Variants in CCNB1IP1 observed in about 807,000 individuals in gnomAD.
The protein encoded by CCNB1IP1 is E3 ubiquitin-protein ligase CCNB1IP1.
CCNB1IP1 carries 14 observed loss-of-function variants against 25.6 expected under a neutral mutation model. The ratio of observed to expected loss-of-function variants is 0.55; its 90% CI spans 0.36 to 0.85. The LOEUF (loss-of-function observed/expected upper bound fraction) is 0.85, where lower values mean the gene tolerates loss of function less well. CCNB1IP1 is among the 40% of genes least tolerant of loss of function. The pLI, the probability that CCNB1IP1 is intolerant of heterozygous loss-of-function variation, is 0.01. For synonymous variants in CCNB1IP1, 119 were observed against 116.1 expected (o/e 1.02, Z -0.16); for missense variants, 278 against 342.4 (o/e 0.81, Z 1.48).
chr14:20,333,093 T>G (rs1883301697), intron 1 of CCNB1IP1, 161 bp downstream of exon 1: 1 of 152,146 alleles, frequency 6.6e-6, no homozygotes, highest in African/African-American at 2.4e-5. Flanking sequence ...GGAAGAGCAT[T>G]TCACTGCCTT....
chr14:20,320,039 G>T (rs1236216952), intron 4 of CCNB1IP1, among the ~76,000 whole-genome samples: 1 of 152,142 alleles, frequency 6.6e-6, no homozygotes, highest in African/African-American at 2.4e-5. Context: ...ACTACTCAGG[G>T]ATCCTCATCT....
Position 20,333,058 on chromosome 14 carries a change from C to T in CCNB1IP1, c.-431+196G>A, listed in dbSNP as rs1276073448. ...GAGACGGAAGGCAAACCCAGTACTG[C>T]AGAGGCCCACGTGGAAACAAGCCAG... On this transcript the variant is annotated intron_variant, in intron 1 of 6. Transcript: ENST00000358932. 3.9e-5 allele frequency: 6 copies of T among 152,460 alleles called. No homozygotes were observed. In the East Asian group the frequency reaches 1.2e-3, roughly 29 times the overall value. 9.4% of individuals were successfully genotyped at this position (152,460 alleles called of 1,614,324 possible). A position where few individuals can be genotyped will look rare whatever the true frequency, so the allele number is the denominator to read the frequency against.
At chr14:20,315,827 T>C in intron 5 of CCNB1IP1, 1 of 1,138,184 alleles carries the variant, frequency 8.8e-7, no homozygotes, top group Non-Finnish European at 1.2e-6. Context: ...GAGAATGGCT[T>C]GAACCCAGGA....
At position 20,316,212 on chromosome 14, in the gene CCNB1IP1, A is replaced by AGACT. The variant is rs1235070458; in HGVS notation, c.297+11_297+14dup. ...ATAAATCACATGCTCAAGAGAAACT[A>AGACT]GACTAAGCACTAACCTGATATGTCC... On this transcript the variant is annotated intron_variant, in intron 5 of 6. Transcript: ENST00000358932. The AGACT allele has an allele frequency of 6.2e-7, 1 of 1,601,826 alleles. No individual in the cohort carries two copies. Among genetic ancestry groups the AGACT allele is most frequent in the African/African-American group, 1.3e-5 (1 of 74,676 alleles).
rs1019883205 is a variant in CCNB1IP1 at position 20,315,971 on chromosome 14, AGAGT to A, written c.297+252_297+255del. ...TCTTACTTTTATACAGAAGAGAGAG[AGAGT>A]GTGTGAGTGTGTGTGTGTGTATACC... is the stretch of plus-strand genomic sequence containing the variant. On this transcript the variant is annotated intron_variant, in intron 5 of 6. Transcript: ENST00000358932. 3.6e-5 allele frequency: 17 copies of A among 472,458 alleles called. No individual in the cohort carries two copies. The Middle Eastern group carries it at 1.3e-3, about 35-fold the overall frequency. The allele number at this position is 472,458 out of a possible 1,614,324, so 29.3% of individuals were successfully genotyped here.
intron 3 of CCNB1IP1, among the ~76,000 whole-genome samples, chr14:20,326,071 G>T (rs1883066130): frequency 2.0e-5 from 3 of 152,148 alleles, no homozygotes; most frequent in African/African-American, 7.2e-5. Flanking sequence ...ACTTTTAAGT[G>T]ATTCTATAGT....
chr14:20,321,172 A>G (rs1390270961), intron 4 of CCNB1IP1, among the ~76,000 whole-genome samples: 1 of 152,036 alleles, frequency 6.6e-6, no homozygotes, highest in Non-Finnish European at 1.5e-5. Context: ...ATGAGAATCT[A>G]TATAGAGAAA....
In CCNB1IP1 at chr14:20,313,899, T is replaced by C. The variant is rs982476913; in HGVS notation, c.298-98A>G. ...CAAAAGGAAAAGAAAGATGCTTATA[T>C]AGGGATGTTATTTTATCATTTAGAA... is the stretch of plus-strand genomic sequence containing the variant. On this transcript the variant is annotated intron_variant, in intron 5 of 6. Transcript: ENST00000358932. The C allele has an allele frequency of 6.9e-6, 6 of 868,904 alleles. No homozygotes were observed. The African/African-American group carries it at 8.4e-5, about 12-fold the overall frequency. The allele number at this position is 868,904 out of a possible 1,614,324, so 53.8% of individuals were successfully genotyped here.
intron 4 of CCNB1IP1, chr14:20,318,522 A>C (rs1180256434): frequency 6.6e-6 from 1 of 152,016 alleles, no homozygotes; most frequent in Non-Finnish European, 1.5e-5. Context: ...TGAGGGTCAG[A>C]ACTTTGAGGT....
At chr14:20,323,575 C>CA (rs796446195) in intron 4 of CCNB1IP1, among the ~76,000 whole-genome samples, 1,366 of 128,706 alleles carry the variant, frequency 0.011, 19 homozygotes, top group African/African-American at 0.033. Flanking sequence ...GTCCCTGTCT[C>CA]AAAAAAAAAA....
intron 4 of CCNB1IP1, among the ~76,000 whole-genome samples, chr14:20,321,690 G>T: frequency 6.6e-6 from 1 of 152,102 alleles, no homozygotes; most frequent in Non-Finnish European, 1.5e-5. Flanking sequence ...TAGACCTCGT[G>T]ATCTACCCTG....
chr14:20,311,791 T>G (rs1435518391), intron 6 of CCNB1IP1, 39 bp from the exon 7 acceptor site: 1 of 1,372,446 alleles, frequency 7.3e-7, no homozygotes, highest in Non-Finnish European at 1.0e-6. Context: ...TTTTATTCAT[T>G]TGTTATCTAT....
chr14:20,314,735 A>C (rs1882619849), intron 5 of CCNB1IP1: 1 of 152,186 alleles, frequency 6.6e-6, no homozygotes, highest in Middle Eastern at 3.1e-3. Context: ...GAATACTTCA[A>C]ACTCAACAGT....
At chr14:20,332,005 CATATATAT>C (rs1555314509) in intron 1 of CCNB1IP1, among the ~76,000 whole-genome samples, 1 of 66,580 alleles carries the variant, frequency 1.5e-5, no homozygotes, top group African/African-American at 8.2e-5. Flanking sequence ...GATGTGTATA[CATATATAT>C]ATATATATAT....
rs951351769 is a variant in CCNB1IP1 at position 20,326,806 on chromosome 14, A to G, written c.-230-13T>C. Reference sequence around the variant, plus strand: ...TCTAGGATCATTTCTGGAAAATTTAAAAAACATAAATAAATTCACAAAGGT... The same window carrying G: ...TCTAGGATCATTTCTGGAAAATTTAGAAAACATAAATAAATTCACAAAGGT... On this transcript the variant is annotated splice_polypyrimidine_tract_variant and intron_variant, in intron 2 of 6. Transcript: ENST00000358932. The G allele has an allele frequency of 1.5e-5, 4 of 260,660 alleles. No homozygotes were observed. The highest frequency in any genetic ancestry group is 8.9e-5 in the African/African-American group (4 of 44,944). 16.1% of individuals were successfully genotyped at this position (260,660 alleles called of 1,614,324 possible).
chr14:20,328,251 C>G (rs1253021860), intron 2 of CCNB1IP1, among the ~76,000 whole-genome samples: 1 of 152,130 alleles, frequency 6.6e-6, no homozygotes, highest in Non-Finnish European at 1.5e-5. Flanking sequence ...CATCAAAACT[C>G]CATACTCTTC....
chr14:20,326,413 AAGC>A (rs1348966933), intron 3 of CCNB1IP1: 1 of 517,768 alleles, frequency 1.9e-6, no homozygotes, highest in Non-Finnish European at 4.0e-6. Context: ...GAATTCCAAC[AAGC>A]AGAATTCAAT....
chr14:20,329,759 A>G (rs1883179953), intron 1 of CCNB1IP1, among the ~76,000 whole-genome samples: 1 of 152,174 alleles, frequency 6.6e-6, no homozygotes, highest in South Asian at 2.1e-4. Context: ...AGAAATTTCC[A>G]TACTGTTTTC....
At chr14:20,329,741 A>AT (rs1883179778) in intron 1 of CCNB1IP1, among the ~76,000 whole-genome samples, 1 of 152,108 alleles carries the variant, frequency 6.6e-6, no homozygotes, top group Non-Finnish European at 1.5e-5. Flanking sequence ...TCTATTTTTA[A>AT]TTTTTTGAGA....
Sources: gnomAD v4.1 joint callset for allele counts (sites outside exome capture counted in the v4.1 genomes callset) on GRCh38, gnomAD v4.1.1 for gene constraint, MANE v1.5 for transcripts, NCBI Gene and HGNC (gene_info 2026-07-23, HGNC 2026-07-21) for gene names.